Variants in MACROD2 observed in about 807,000 individuals in gnomAD.
MACROD2 encodes the protein mono-ADP ribosylhydrolase 2.
In MACROD2, 36 loss-of-function variants were observed where a neutral mutation model predicts 70.4. The observed-to-expected ratio is 0.51, with a 90% CI of 0.39 to 0.68. The LOEUF is 0.68. Among genes scored for constraint, MACROD2 ranks in the 30% least tolerant of loss-of-function variants. The pLI is 0.00. For synonymous variants in MACROD2, 172 were observed against 178.8 expected (o/e 0.96, Z 0.30); for missense variants, 496 against 538.4 (o/e 0.92, Z 0.78).
intron 5 of MACROD2, among the ~76,000 whole-genome samples, chr20:15,035,515 G>A (rs2075306155): frequency 6.6e-6 from 1 of 152,138 alleles, no homozygotes; most frequent in African/African-American, 2.4e-5. Flanking sequence ...AGTGAAATTT[G>A]ATCTTATCTC....
chr20:14,988,256 C>T (rs1447876922), intron 5 of MACROD2, among the ~76,000 whole-genome samples: 4 of 143,314 alleles, frequency 2.8e-5, no homozygotes, highest in Non-Finnish European at 6.0e-5. Flanking sequence ...TTCAACTACT[C>T]GGGAGGTTGA....
At chr20:15,298,882 C>G (rs540752321) in intron 6 of MACROD2, among the ~76,000 whole-genome samples, 139 of 152,220 alleles carry the variant, frequency 9.1e-4, no homozygotes, top group African/African-American at 3.2e-3. Flanking sequence ...CCTCATTTTA[C>G]TGACAAAGAA....
intron 3 of MACROD2, among the ~76,000 whole-genome samples, chr20:14,364,455 A>G (rs780799861): frequency 6.6e-5 from 10 of 152,218 alleles, no homozygotes; most frequent in African/African-American, 9.6e-5. Context: ...TGAAATTTAC[A>G]TATCATAAAA....
At chr20:14,764,137 C>T (rs2072053695) in intron 5 of MACROD2, among the ~76,000 whole-genome samples, 1 of 152,038 alleles carries the variant, frequency 6.6e-6, no homozygotes, top group Non-Finnish European at 1.5e-5. Context: ...GAGGCATTGG[C>T]AGGAGATGAG....
At chr20:15,386,956 C>A (rs2045721790) in intron 6 of MACROD2, among the ~76,000 whole-genome samples, 1 of 152,066 alleles carries the variant, frequency 6.6e-6, no homozygotes, top group Non-Finnish European at 1.5e-5. Context: ...CCTTTTTTCC[C>A]CCTTTCCCCC....
chr20:15,900,878 G>A (rs2065053493), intron 10 of MACROD2, among the ~76,000 whole-genome samples: 1 of 152,138 alleles, frequency 6.6e-6, no homozygotes, highest in African/African-American at 2.4e-5. Context: ...TAAATGGACA[G>A]AAGGGAAACT....
intron 3 of MACROD2, among the ~76,000 whole-genome samples, chr20:14,230,255 A>G (rs2081789417): frequency 6.6e-6 from 1 of 152,170 alleles, no homozygotes; most frequent in Non-Finnish European, 1.5e-5. Flanking sequence ...GCTGTTTGAT[A>G]GCATTGTACA....
At chr20:14,884,926 G>A (rs942448596) in intron 5 of MACROD2, among the ~76,000 whole-genome samples, 1 of 152,116 alleles carries the variant, frequency 6.6e-6, no homozygotes, top group African/African-American at 2.4e-5. Context: ...CTAATTGCCA[G>A]TCAGAAAATC....
intron 2 of MACROD2, among the ~76,000 whole-genome samples, chr20:14,084,434 AAGTTTG>A (rs2054050042): frequency 6.6e-6 from 1 of 152,232 alleles, no homozygotes; most frequent in Non-Finnish European, 1.5e-5. Flanking sequence ...ATACTTTAAA[AAGTTTG>A]AGTTTAATAT....
chr20:14,862,680 T>A (rs80124657), intron 5 of MACROD2, among the ~76,000 whole-genome samples: 25 of 69,244 alleles, frequency 3.6e-4, no homozygotes, highest in African/African-American at 5.9e-4. Context: ...TATATATAAA[T>A]ATATATATAA....
chr20:15,764,125 G>A (rs1284054111), intron 8 of MACROD2, among the ~76,000 whole-genome samples: 1 of 152,234 alleles, frequency 6.6e-6, no homozygotes, highest in African/African-American at 2.4e-5. Context: ...GTATGATGAA[G>A]AGAAAGCTGG....
chr20:15,118,377 G>T (rs2076007107), intron 5 of MACROD2, among the ~76,000 whole-genome samples: 1 of 151,894 alleles, frequency 6.6e-6, no homozygotes, highest in South Asian at 2.1e-4. Context: ...ATTTTTAGTA[G>T]AGACGGGGTT....
chr20:16,038,066 A>G (rs1416743705), intron 15 of MACROD2, among the ~76,000 whole-genome samples: 2 of 151,820 alleles, frequency 1.3e-5, no homozygotes, highest in Non-Finnish European at 1.5e-5. Flanking sequence ...TAACACTTCA[A>G]AGATGTCATT....
chr20:15,499,723 T>C, intron 7 of MACROD2, 51 bp from the exon 8 acceptor site: 1 of 1,557,136 alleles, frequency 6.4e-7, no homozygotes, highest in Non-Finnish European at 8.9e-7. Context: ...TTAGCCTCCC[T>C]TTTGCCTTCA....
At chr20:15,407,034 G>T (rs996986308) in intron 6 of MACROD2, among the ~76,000 whole-genome samples, 16 of 152,196 alleles carry the variant, frequency 1.1e-4, no homozygotes, top group African/African-American at 3.4e-4. Flanking sequence ...CGGAGACCAA[G>T]AATTGGAGCC....
At chr20:15,557,932 AAG>A (rs766833570) in intron 8 of MACROD2, among the ~76,000 whole-genome samples, 1 of 152,190 alleles carries the variant, frequency 6.6e-6, no homozygotes, top group Non-Finnish European at 1.5e-5. Flanking sequence ...ACCACTCAGA[AAG>A]CACTTTCAAC....
chr20:14,974,832 T>A (rs1189289830), intron 5 of MACROD2, among the ~76,000 whole-genome samples: 3 of 152,046 alleles, frequency 2.0e-5, no homozygotes, highest in African/African-American at 4.8e-5. Flanking sequence ...CAAGCAGATA[T>A]GGATATGTGG....
intron 8 of MACROD2, among the ~76,000 whole-genome samples, chr20:15,842,814 C>G (rs1474513640): frequency 6.6e-6 from 1 of 152,004 alleles, no homozygotes; most frequent in African/African-American, 2.4e-5. Flanking sequence ...CTATAAGGCA[C>G]GTAACACTTT....
chr20:15,494,238 G>A (rs1032465374), intron 7 of MACROD2, among the ~76,000 whole-genome samples: 15 of 152,118 alleles, frequency 9.9e-5, no homozygotes, highest in African/African-American at 3.1e-4. Context: ...CTTCTGGTGG[G>A]AGTGTTATTG....
Sources: allele counts gnomAD v4.1 joint callset (sites outside exome capture counted in the v4.1 genomes callset), GRCh38; gene constraint gnomAD v4.1.1; transcripts MANE v1.5; gene names NCBI Gene and HGNC (gene_info 2026-07-23, HGNC 2026-07-21).